DPH6: variants seen among roughly 807,000 people sequenced by gnomAD.
DPH6 encodes diphthine--ammonia ligase.
A neutral mutation model predicts 38.2 loss-of-function variants in DPH6; 33 were observed. That is an observed-to-expected ratio of 0.86 (90% CI 0.65 to 1.15). The LOEUF (loss-of-function observed/expected upper bound fraction) is 1.15. Ranked by LOEUF, DPH6 falls within the 50% of genes most tolerant of loss-of-function variation. DPH6 has a pLI of 0.00. For missense variants in DPH6, 325 were observed against 320.0 expected, an observed-to-expected ratio of 1.02 and a Z score of -0.12; for synonymous variants, 108 against 103.0, an observed-to-expected ratio of 1.05 and a Z score of -0.30.
chr15:35,170,845 T>C, the DPH6 span, among the ~76,000 whole-genome samples: 1 of 152,216 alleles, frequency 6.6e-6, no homozygotes, highest in African/African-American at 2.4e-5. Context: ...ATGCTGCTTA[T>C]GTTATTCTCT....
intron 3 of DPH6, among the ~76,000 whole-genome samples, chr15:35,251,861 C>T (rs2051677093): frequency 1.3e-5 from 2 of 152,170 alleles, no homozygotes; most frequent in Admixed American, 6.5e-5. Context: ...AATAACAGGT[C>T]GGTGTGGTGG....
rs185912382 is a variant in DPH6 at position 35,390,857 on chromosome 15, C to T, written c.568-8941G>A. 7.9e-4 allele frequency among the ~76,000 whole-genome samples: 121 copies of T among 152,312 alleles called. No individual in the cohort carries two copies. In the Middle Eastern group the frequency reaches 0.01, roughly 13 times the overall value. On this transcript the variant is annotated intron_variant, in intron 6 of 8. Transcript: ENST00000256538. The stretch of plus-strand genomic sequence containing the variant: ...TCTCTCAACTCGTCAAAGTGATTCT[C>T]CGTCCAGCTTTGCTCCATTGCTGGT...
At chr15:35,499,586 A>T (rs534122310) in intron 3 of DPH6, among the ~76,000 whole-genome samples, 1 of 152,226 alleles carries the variant, frequency 6.6e-6, no homozygotes, top group Non-Finnish European at 1.5e-5. Flanking sequence ...GGGAAGAATT[A>T]AAAAAGATGG....
At chr15:35,449,027 T>G (rs2053895195) in intron 5 of DPH6, among the ~76,000 whole-genome samples, 1 of 150,984 alleles carries the variant, frequency 6.6e-6, no homozygotes, top group Non-Finnish European at 1.5e-5. Context: ...TCCCTTTTTT[T>G]TGGCTTAAAT....
chr15:35,400,412 AAC>A (rs1378983261), intron 6 of DPH6, among the ~76,000 whole-genome samples: 1 of 152,088 alleles, frequency 6.6e-6, no homozygotes, highest in African/African-American at 2.4e-5. Flanking sequence ...AAAGGGAGTA[AAC>A]ACAGTGAAAT....
chr15:35,408,384 C>T (rs2053322424), intron 6 of DPH6, among the ~76,000 whole-genome samples: 1 of 151,924 alleles, frequency 6.6e-6, no homozygotes, highest in South Asian at 2.1e-4. Context: ...AAGTAACACA[C>T]ATCTGAATTA....
chr15:35,211,870 A>C, the DPH6 span, among the ~76,000 whole-genome samples: 1 of 152,100 alleles, frequency 6.6e-6, no homozygotes, highest in Non-Finnish European at 1.5e-5. Flanking sequence ...TAAGCATTTA[A>C]ATGTTCCAGG....
chr15:35,306,967 A>G (rs1320781987), intron 3 of DPH6, among the ~76,000 whole-genome samples: 1 of 152,212 alleles, frequency 6.6e-6, no homozygotes, highest in Non-Finnish European at 1.5e-5. Context: ...GAGAGGAAAG[A>G]GAGCATTTCA....
Position 35,371,946 on chromosome 15 carries a change from G to A in DPH6, c.*204C>T, listed in dbSNP as rs2052717658. The A allele has an allele frequency of 8.0e-7, 1 of 1,256,652 alleles. No homozygotes were observed. The highest frequency in any genetic ancestry group is 2.7e-5 in the South Asian group (1 of 37,272). The allele number at this position is 1,256,652 out of a possible 1,614,324, so 77.8% of individuals were successfully genotyped here. On this transcript the variant is annotated 3_prime_UTR_variant, in exon 9 of 9. Coordinates refer to ENST00000256538, the MANE Select transcript of DPH6 (RefSeq NM_080650.4). The stretch of plus-strand genomic sequence containing the variant: ...ACGAAAGAGAAAGAGTGAATTCCAA[G>A]AAAGTTGGCACTATTAATGAACATG...
intron 6 of DPH6, among the ~76,000 whole-genome samples, chr15:35,399,555 A>G (rs2053190331): frequency 6.6e-6 from 1 of 152,220 alleles, no homozygotes. Flanking sequence ...CACAGTGGAT[A>G]AAAACATACA....
rs79139617 is a variant in DPH6, at chr15:35,463,925, T to C, written c.313-9105A>G. ...CTATACTAGGAAAGTTAAAACACATTAGAAAACAGCACAGTCGATGTTCTT... is the reference window on the plus strand; with the variant it reads ...CTATACTAGGAAAGTTAAAACACATCAGAAAACAGCACAGTCGATGTTCTT... On this transcript the variant is annotated intron_variant, in intron 3 of 8. Coordinates refer to ENST00000256538, the MANE Select transcript of DPH6 (RefSeq NM_080650.4). Among the ~76,000 whole-genome samples the C allele has an allele frequency of 3.2e-3, 481 of 152,278 alleles. 4 individuals carry two copies. The East Asian group carries it at 0.035, about 11-fold the overall frequency.
intron 3 of DPH6, among the ~76,000 whole-genome samples, chr15:35,292,466 T>G (rs1333067541): frequency 1.3e-5 from 2 of 152,172 alleles, no homozygotes; most frequent in South Asian, 4.1e-4. Context: ...TGAGAATATT[T>G]GATATTATTT....
intron 3 of DPH6, among the ~76,000 whole-genome samples, chr15:35,485,389 C>T (rs73382706): frequency 0.096 from 14,598 of 152,176 alleles, 942 homozygotes; most frequent in African/African-American, 0.18. Flanking sequence ...CATGTCAAAA[C>T]AACTAAATTG....
At chr15:35,365,073 TCTCAAACACAA>T (rs755953286) in intron 3 of DPH6, among the ~76,000 whole-genome samples, 26 of 152,142 alleles carry the variant, frequency 1.7e-4, no homozygotes, top group Non-Finnish European at 2.8e-4. Context: ...TAACCCCTTT[TCTCAAACACAA>T]CTCAAACACA....
chr15:35,457,619 C>T (rs2054013496), intron 3 of DPH6, among the ~76,000 whole-genome samples: 1 of 152,102 alleles, frequency 6.6e-6, no homozygotes, highest in African/African-American at 2.4e-5. Flanking sequence ...ATTACTACTG[C>T]CTGGTAGAAA....
At chr15:35,388,415 T>C (rs2053003110) in intron 6 of DPH6, among the ~76,000 whole-genome samples, 1 of 152,216 alleles carries the variant, frequency 6.6e-6, no homozygotes, top group African/African-American at 2.4e-5. Context: ...TCAGAAGGAA[T>C]GGTACCAGCT....
At chr15:35,543,393 C>T (rs775172710) in intron 1 of DPH6, among the ~76,000 whole-genome samples, 10 of 150,960 alleles carry the variant, frequency 6.6e-5, no homozygotes, top group South Asian at 2.1e-4. Context: ...CTAAGGCAGA[C>T]GCATATCACT....
chr15:35,286,211 G>T (rs61580787), intron 3 of DPH6, among the ~76,000 whole-genome samples: 4,534 of 152,146 alleles, frequency 0.03, 193 homozygotes, highest in African/African-American at 0.098. Context: ...GAATTGCCAG[G>T]TATTACAATA....
chr15:35,487,240 G>A (rs1283847169), intron 3 of DPH6, among the ~76,000 whole-genome samples: 1 of 152,214 alleles, frequency 6.6e-6, no homozygotes, highest in Non-Finnish European at 1.5e-5. Flanking sequence ...TCTTCTCACA[G>A]CTCCACTAGG....
Sources: gnomAD v4.1 joint callset for allele counts (sites outside exome capture counted in the v4.1 genomes callset) on GRCh38, gnomAD v4.1.1 for gene constraint, MANE v1.5 for transcripts, NCBI Gene and HGNC (gene_info 2026-07-23, HGNC 2026-07-21) for gene names.